Variants in SLC75A1 observed in about 807,000 individuals in gnomAD.
The protein encoded by SLC75A1 is solute carrier family 75 member 1, also known as major facilitator superfamily domain containing 10.
At chr4:2,932,887 C>G in the SLC75A1 span, 3 of 1,246,030 alleles carry the variant, frequency 2.4e-6, no homozygotes, top group East Asian at 2.5e-5. Context: ...GGGCCACTTG[C>G]GTTCTCAGTG....
chr4:2,930,754 G>T, the SLC75A1 span: 10 of 1,462,210 alleles, frequency 6.8e-6, no homozygotes, highest in African/African-American at 1.3e-4. Flanking sequence ...TGGACTGGCG[G>T]GGGGTGGGGG....
At chr4:2,933,241 C>A in the SLC75A1 span, 1 of 1,587,788 alleles carries the variant, frequency 6.3e-7, no homozygotes, top group African/African-American at 1.3e-5. Context: ...CATGGGGCTG[C>A]CTGGCACCAT....
chr4:2,932,398 G>A, the SLC75A1 span: 2 of 1,613,622 alleles, frequency 1.2e-6, no homozygotes, highest in East Asian at 2.2e-5. Flanking sequence ...AAGATGAACA[G>A]CAGGTCGGAG....
chr4:2,932,151 C>T, the SLC75A1 span: 7 of 1,604,110 alleles, frequency 4.4e-6, no homozygotes, highest in South Asian at 1.1e-5. Context: ...CGATAGAGGG[C>T]GCCTGTGGGG....
At chr4:2,931,338 T>TGCCCATCGGATCCCCTGCC in the SLC75A1 span, 5 of 1,543,048 alleles carry the variant, frequency 3.2e-6, no homozygotes, top group East Asian at 1.2e-4. Context: ...CAGCCCCTGC[T>TGCCCATCGGATCCCCTGCC]GCCCATCGGA....
the SLC75A1 span, chr4:2,931,539 GGAGGGAGCCCCCTACCCGCTTCA>G: frequency 6.2e-7 from 1 of 1,608,166 alleles, no homozygotes; most frequent in South Asian, 1.1e-5. Flanking sequence ...CACCCGCTTT[GGAGGGAGCCCCCTACCCGCTTCA>G]CGGCAGCAAC....
the SLC75A1 span, chr4:2,933,718 C>T: frequency 6.2e-7 from 1 of 1,607,978 alleles, no homozygotes; most frequent in Non-Finnish European, 8.5e-7. Context: ...GCCTGGGGGG[C>T]AGGGGGCACT....
At chr4:2,932,347 CT>C in the SLC75A1 span, 1 of 1,611,790 alleles carries the variant, frequency 6.2e-7, no homozygotes, top group Non-Finnish European at 8.5e-7. Flanking sequence ...GACCACAGCC[CT>C]ACCCGTTTCT....
At chr4:2,931,514 C>G in the SLC75A1 span, 6 of 1,596,894 alleles carry the variant, frequency 3.8e-6, no homozygotes, top group Non-Finnish European at 5.1e-6. Context: ...CTGCAGGACT[C>G]AGGGGACTGC....
chr4:2,931,302 G>A, the SLC75A1 span: 65 of 1,549,158 alleles, frequency 4.2e-5, no homozygotes, highest in African/African-American at 5.2e-4. Context: ...GGAGGTGCCC[G>A]TCAGCCCAGG....
chr4:2,931,179 C>T, the SLC75A1 span: 1 of 1,556,868 alleles, frequency 6.4e-7, no homozygotes, highest in South Asian at 1.2e-5. Context: ...TCAGGCACCA[C>T]TGCCCTTCTC....
the SLC75A1 span, chr4:2,933,461 G>C: frequency 8.1e-7 from 1 of 1,239,936 alleles, no homozygotes. Context: ...GCCAGCCCAG[G>C]GAGTGGGAAG....
At chr4:2,931,950 G>T in the SLC75A1 span, 1 of 1,604,096 alleles carries the variant, frequency 6.2e-7, no homozygotes, top group South Asian at 1.1e-5. Flanking sequence ...GGGAGAGGTG[G>T]CGCGTGCTGA....
At chr4:2,933,653 T>G in the SLC75A1 span, 3 of 1,613,376 alleles carry the variant, frequency 1.9e-6, no homozygotes, top group South Asian at 3.3e-5. Context: ...CCAGGAGCCA[T>G]AGAGGGGGTC....
the SLC75A1 span, chr4:2,934,114 G>A: frequency 7.5e-4 from 481 of 642,242 alleles, 2 homozygotes; most frequent in South Asian, 1.9e-3. Flanking sequence ...CCCGAACCCA[G>A]GCAGCAGGAA....
chr4:2,933,857 G>T, the SLC75A1 span: 1 of 1,585,882 alleles, frequency 6.3e-7, no homozygotes, highest in Middle Eastern at 1.8e-4. Context: ...GTGACCACGC[G>T]GCGCTCCGGC....
chr4:2,931,724 G>A, the SLC75A1 span: 1 of 1,561,404 alleles, frequency 6.4e-7, no homozygotes. Context: ...CAGGGCCAGG[G>A]CGAGAGTGGC....
chr4:2,931,309 C>G, the SLC75A1 span: 1 of 1,548,286 alleles, frequency 6.5e-7, no homozygotes, highest in Middle Eastern at 1.7e-4. Flanking sequence ...CCCGTCAGCC[C>G]AGGGGAGGGT....
chr4:2,931,815 G>T, the SLC75A1 span: 1 of 1,589,768 alleles, frequency 6.3e-7, no homozygotes, highest in Non-Finnish European at 8.6e-7. Flanking sequence ...GTCGCCAGAT[G>T]GGGACCCACC....
Sources: gnomAD v4.1 joint callset for allele counts on GRCh38, gnomAD v4.1.1 for gene constraint, MANE v1.5 for transcripts, NCBI Gene and HGNC (gene_info 2026-07-23, HGNC 2026-07-21) for gene names.